LHFPL7: variants seen among roughly 807,000 people sequenced by gnomAD.
LHFPL7 encodes LHFPL tetraspan subfamily member 7 protein.
At chr22:24,935,681 C>G in the LHFPL7 span, 1 of 1,495,856 alleles carries the variant, frequency 6.7e-7, no homozygotes, top group Non-Finnish European at 9.0e-7. Flanking sequence ...ACCCTTTATC[C>G]ACCCATCCAT....
At chr22:24,936,763 G>A in the LHFPL7 span, among the ~76,000 whole-genome samples, 1 of 151,712 alleles carries the variant, frequency 6.6e-6, no homozygotes, top group South Asian at 2.1e-4. Context: ...CTTGGCTCAG[G>A]TGGGACCTCC....
chr22:24,940,545 G>C, the LHFPL7 span, among the ~76,000 whole-genome samples: 2 of 150,896 alleles, frequency 1.3e-5, no homozygotes, highest in African/African-American at 2.4e-5. Context: ...GCAGTGAGCC[G>C]AGATCGCACC....
the LHFPL7 span, among the ~76,000 whole-genome samples, chr22:24,940,161 T>C: frequency 4.0e-5 from 6 of 149,296 alleles, no homozygotes; most frequent in Non-Finnish European, 8.9e-5. Context: ...CTCCTGACCT[T>C]GTGATCCGCC....
At chr22:24,938,070 C>CTCAT in the LHFPL7 span, 57,911 of 1,493,884 alleles carry the variant, frequency 0.039, 3,150 homozygotes, top group African/African-American at 0.28. Flanking sequence ...TGCTCACAGA[C>CTCAT]TCATTCATTC....
the LHFPL7 span, among the ~76,000 whole-genome samples, chr22:24,937,342 A>AAATGTGTGTATAT: frequency 1.4e-4 from 22 of 152,284 alleles, 1 homozygote; most frequent in East Asian, 1.5e-3. Context: ...TATATGAGCA[A>AAATGTGTGTATAT]CAGATTGCAA....
At chr22:24,944,512 C>T in the LHFPL7 span, among the ~76,000 whole-genome samples, 10 of 152,190 alleles carry the variant, frequency 6.6e-5, no homozygotes, top group South Asian at 2.1e-3. Flanking sequence ...TTTGAAGATG[C>T]AAAGAGGCCC....
At chr22:24,938,903 T>C in the LHFPL7 span, among the ~76,000 whole-genome samples, 5 of 152,130 alleles carry the variant, frequency 3.3e-5, no homozygotes, top group South Asian at 2.1e-4. Context: ...CAGAGACACG[T>C]TGGGGGCCAT....
At chr22:24,940,462 A>G in the LHFPL7 span, among the ~76,000 whole-genome samples, 31,334 of 149,618 alleles carry the variant, frequency 0.21, 4,006 homozygotes, top group East Asian at 0.56. Flanking sequence ...CGGGCGTGGG[A>G]GCGGGCGCCT....
the LHFPL7 span, among the ~76,000 whole-genome samples, chr22:24,938,982 C>G: frequency 3.3e-5 from 5 of 152,196 alleles, no homozygotes; most frequent in Admixed American, 1.3e-4. Context: ...AGAAGGGGCA[C>G]CTTTTCCTAA....
the LHFPL7 span, chr22:24,946,664 T>TCC: frequency 6.6e-6 from 1 of 152,264 alleles, no homozygotes; most frequent in Non-Finnish European, 1.5e-5. Context: ...TCTCCTCTCC[T>TCC]TTGAAGGAAT....
At chr22:24,938,370 A>C in the LHFPL7 span, 1 of 1,606,778 alleles carries the variant, frequency 6.2e-7, no homozygotes, top group Non-Finnish European at 8.5e-7. Flanking sequence ...GAGACCTGCA[A>C]GGAAGAGACA....
chr22:24,938,413 T>TG, the LHFPL7 span: 1 of 1,533,244 alleles, frequency 6.5e-7, no homozygotes, highest in Non-Finnish European at 8.8e-7. Flanking sequence ...CAGGGGCAGG[T>TG]GGATGCTCCC....
chr22:24,939,230 A>C, the LHFPL7 span: 1 of 689,144 alleles, frequency 1.5e-6, no homozygotes, highest in African/African-American at 1.8e-5. Flanking sequence ...TGGGACACTC[A>C]GGCAGTGAGG....
the LHFPL7 span, chr22:24,935,310 T>G: frequency 1.9e-5 from 30 of 1,602,954 alleles, 1 homozygote; most frequent in South Asian, 3.0e-4. Context: ...GAGTGTGCCC[T>G]TTGTGCTACT....
the LHFPL7 span, chr22:24,935,203 G>T: frequency 8.0e-7 from 1 of 1,251,606 alleles, no homozygotes; most frequent in Non-Finnish European, 1.1e-6. Context: ...AGAAAAAACT[G>T]TTCCAGAGAG....
chr22:24,944,390 C>G, the LHFPL7 span, among the ~76,000 whole-genome samples: 12 of 152,126 alleles, frequency 7.9e-5, no homozygotes, highest in Non-Finnish European at 1.2e-4. Flanking sequence ...GACCTTTGAG[C>G]TGAGCCTGAA....
the LHFPL7 span, among the ~76,000 whole-genome samples, chr22:24,940,305 C>T: frequency 6.8e-6 from 1 of 147,954 alleles, no homozygotes; most frequent in Non-Finnish European, 1.5e-5. Flanking sequence ...TAAAAATTCA[C>T]ACACATAGCC....
the LHFPL7 span, among the ~76,000 whole-genome samples, chr22:24,941,156 T>G: frequency 6.6e-6 from 1 of 151,968 alleles, no homozygotes; most frequent in Admixed American, 6.6e-5. Flanking sequence ...TTCTCATTGC[T>G]GCAGATGGTA....
the LHFPL7 span, chr22:24,939,378 AC>A: frequency 1.4e-6 from 1 of 703,014 alleles, no homozygotes; most frequent in Non-Finnish European, 2.6e-6. Flanking sequence ...ACTGAAGGTC[AC>A]GCAGCTCTGG....
Sources: allele counts gnomAD v4.1 joint callset (sites outside exome capture counted in the v4.1 genomes callset), GRCh38; gene constraint gnomAD v4.1.1; transcripts MANE v1.5; gene names NCBI Gene and HGNC (gene_info 2026-07-23, HGNC 2026-07-21).